The following C1orf185 variants were observed in gnomAD, a reference collection of about 807,000 sequenced individuals.
The protein encoded by C1orf185 is chromosome 1 open reading frame 185, also known as uncharacterized protein C1orf185.
In C1orf185, 13 loss-of-function variants were observed where a neutral mutation model predicts 16.1. The ratio of observed to expected loss-of-function variants is 0.81; its 90% CI spans 0.53 to 1.28. The LOEUF (loss-of-function observed/expected upper bound fraction) is 1.28, where lower values mean the gene tolerates loss of function less well. Ranked by LOEUF, C1orf185 falls within the 50% of genes most tolerant of loss-of-function variation. The probability of loss-of-function intolerance (pLI) is 0.00; values close to 1 mark genes in which losing one functional copy is unlikely to be tolerated. For missense variants in C1orf185, 220 were observed against 225.2 expected, an observed-to-expected ratio of 0.98 and a Z score of 0.15; for synonymous variants, 80 against 76.9, an observed-to-expected ratio of 1.04 and a Z score of -0.21.
At chr1:51,112,701 C>T (rs1570292069) in intron 2 of C1orf185, 132 bp downstream of exon 2, 1 of 778,736 alleles carries the variant, frequency 1.3e-6, no homozygotes, top group Non-Finnish European at 1.9e-6. Flanking sequence ...GTTATAGACC[C>T]TTTGGTTGGG....
At chr1:51,132,977 G>A (rs191777173) in intron 3 of C1orf185, among the ~76,000 whole-genome samples, 187 of 152,174 alleles carry the variant, frequency 1.2e-3, no homozygotes, top group African/African-American at 4.2e-3. Flanking sequence ...CATAAACAAA[G>A]GAGAAATAAG....
chr1:51,131,917 A>G (rs1244188439), intron 3 of C1orf185, among the ~76,000 whole-genome samples: 1 of 152,126 alleles, frequency 6.6e-6, no homozygotes, highest in Non-Finnish European at 1.5e-5. Context: ...TGAATTCCCA[A>G]CCTTGAGCCA....
At chr1:51,103,306 T>A (rs1646045378) in intron 1 of C1orf185, among the ~76,000 whole-genome samples, 2 of 151,448 alleles carry the variant, frequency 1.3e-5, no homozygotes, top group Admixed American at 1.3e-4. Flanking sequence ...CTTAGGAGGC[T>A]GAGGTGGGAG....
downstream of C1orf185, among the ~76,000 whole-genome samples, chr1:51,149,340 A>T (rs1646419307): frequency 6.6e-6 from 1 of 152,180 alleles, no homozygotes; most frequent in Non-Finnish European, 1.5e-5. Context: ...ACCCAGGCCT[A>T]TCATTCCTAT....
intron 4 of C1orf185, among the ~76,000 whole-genome samples, chr1:51,146,520 A>G (rs375268532): frequency 6.6e-6 from 1 of 152,060 alleles, no homozygotes; most frequent in South Asian, 2.1e-4. Flanking sequence ...TTTTAAAAAG[A>G]AAAGTTAATA....
intron 3 of C1orf185, among the ~76,000 whole-genome samples, chr1:51,119,158 A>G (rs1646179623): frequency 6.6e-6 from 1 of 152,224 alleles, no homozygotes; most frequent in Non-Finnish European, 1.5e-5. Flanking sequence ...AGCAATTGAA[A>G]TTAAATTCAC....
At chr1:51,114,645 C>A (rs932853449) in intron 2 of C1orf185, among the ~76,000 whole-genome samples, 1 of 152,168 alleles carries the variant, frequency 6.6e-6, no homozygotes, top group African/African-American at 2.4e-5. Context: ...ATTGCTTGAA[C>A]CCTGAAGGCA....
intron 3 of C1orf185, among the ~76,000 whole-genome samples, chr1:51,144,329 C>G (rs1430749457): frequency 6.6e-6 from 1 of 152,164 alleles, no homozygotes; most frequent in African/African-American, 2.4e-5. Flanking sequence ...ACAGGAGTCA[C>G]AGAATGAATT....
rs559185510 is a variant in C1orf185 at position 51,104,043 on chromosome 1, G to T, written c.16+1794G>T. 4.6e-5 allele frequency among the ~76,000 whole-genome samples: 7 copies of T among 152,220 alleles called. No homozygotes were observed. In the South Asian group the frequency reaches 1.4e-3, roughly 32 times the overall value. ...TCAATATGGTCCACTTTACATACTG[G>T]CTGCATATCAGCCCTGCATATATTT... On this transcript the variant is annotated intron_variant, in intron 1 of 4. Coordinates refer to ENST00000371759, the MANE Select transcript of C1orf185 (RefSeq NM_001136508.2).
In C1orf185 at chr1:51,112,447, G is replaced by C. The variant is rs536911327; in HGVS notation, c.17-17G>C. ...AAATACATGCATGAAATAATCTTTTGTAATTTGTTTGTATAGGTTTTTTTA... is the reference window on the plus strand; with the variant it reads ...AAATACATGCATGAAATAATCTTTTCTAATTTGTTTGTATAGGTTTTTTTA... On this transcript the variant is annotated splice_polypyrimidine_tract_variant and intron_variant, in intron 1 of 4. Coordinates refer to ENST00000371759, the MANE Select transcript of C1orf185 (RefSeq NM_001136508.2). The C allele has an allele frequency of 5.9e-5, 89 of 1,507,574 alleles. No individual in the cohort carries two copies. In the African/African-American group the frequency reaches 1.0e-3, roughly 18 times the overall value. The allele number at this position is 1,507,574 out of a possible 1,614,324, so 93.4% of individuals were successfully genotyped here.
At chr1:51,124,102 G>C (rs1309676957) in intron 3 of C1orf185, among the ~76,000 whole-genome samples, 1 of 31,932 alleles carries the variant, frequency 3.1e-5, no homozygotes, top group Non-Finnish European at 5.9e-5. Context: ...TTTTTTTTTT[G>C]AGACAGTCTC....
chr1:51,129,428 T>C (rs553189085), intron 3 of C1orf185, among the ~76,000 whole-genome samples: 1 of 152,158 alleles, frequency 6.6e-6, no homozygotes, highest in Admixed American at 6.5e-5. Context: ...TCATGTAACA[T>C]GTGGTCTTTT....
chr1:51,139,089 TTC>T (rs1646347080), intron 3 of C1orf185, among the ~76,000 whole-genome samples: 3 of 152,234 alleles, frequency 2.0e-5, no homozygotes, highest in Admixed American at 6.5e-5. Flanking sequence ...CAAATTTCCT[TTC>T]TTTTTTTTTT....
chr1:51,123,134 C>A (rs1384896212), intron 3 of C1orf185, among the ~76,000 whole-genome samples: 1 of 152,176 alleles, frequency 6.6e-6, no homozygotes, highest in African/African-American at 2.4e-5. Flanking sequence ...GCTGAGTGTG[C>A]TAGTTCAAGT....
At chr1:51,105,082 C>T (rs1189992218) in intron 1 of C1orf185, among the ~76,000 whole-genome samples, 2 of 152,016 alleles carry the variant, frequency 1.3e-5, no homozygotes, top group Non-Finnish European at 2.9e-5. Context: ...CTCAGCCTCC[C>T]AAGTAGCTGG....
At chr1:51,145,925 G>GA (rs1646395898) in intron 4 of C1orf185, among the ~76,000 whole-genome samples, 165 bp downstream of exon 4, 1 of 151,814 alleles carries the variant, frequency 6.6e-6, no homozygotes, top group Non-Finnish European at 1.5e-5. Context: ...AAATTTTTTA[G>GA]AAAAAACAAA....
At chr1:51,149,996 G>T (rs890266874), downstream of C1orf185, among the ~76,000 whole-genome samples, 39 of 152,112 alleles carry the variant, frequency 2.6e-4, no homozygotes, top group Middle Eastern at 6.3e-3. Flanking sequence ...TTCAACTGTT[G>T]TTCTTGGCTT....
At chr1:51,135,947 A>G (rs1646320542) in intron 3 of C1orf185, among the ~76,000 whole-genome samples, 2 of 152,346 alleles carry the variant, frequency 1.3e-5, no homozygotes, top group South Asian at 2.1e-4. Flanking sequence ...CTGATAAACA[A>G]CTTTGGCAAA....
At chr1:51,129,268 A>G (rs1646266154) in intron 3 of C1orf185, among the ~76,000 whole-genome samples, 1 of 152,060 alleles carries the variant, frequency 6.6e-6, no homozygotes. Context: ...GGCCTCTCAG[A>G]GCACTGGGAT....
Sources: allele counts gnomAD v4.1 joint callset (sites outside exome capture counted in the v4.1 genomes callset), GRCh38; gene constraint gnomAD v4.1.1; transcripts MANE v1.5; gene names NCBI Gene and HGNC (gene_info 2026-07-23, HGNC 2026-07-21).